NELL1: variants seen among roughly 807,000 people sequenced by gnomAD.
NELL1 encodes protein kinase C-binding protein NELL1.
A neutral mutation model predicts 107.4 loss-of-function variants in NELL1; 76 were observed. That is an observed-to-expected ratio of 0.71 (90% CI 0.59 to 0.86). NELL1 has a LOEUF of 0.86. Among genes scored for constraint, NELL1 ranks in the 40% least tolerant of loss-of-function variants. The pLI, the probability that NELL1 is intolerant of heterozygous loss-of-function variation, is 0.00. For missense variants in NELL1, 1,024 were observed against 1,005.5 expected (o/e 1.02, Z -0.25); for synonymous variants, 353 against 341.2 (o/e 1.03, Z -0.38).
intron 15 of NELL1, among the ~76,000 whole-genome samples, chr11:21,522,563 G>C (rs952604723): frequency 1.3e-5 from 2 of 152,044 alleles, no homozygotes; most frequent in African/African-American, 4.8e-5. Flanking sequence ...GACTCTGAAG[G>C]TGTGCGGGGT....
chr11:21,362,784 A>C (rs1851108938), intron 14 of NELL1, among the ~76,000 whole-genome samples: 1 of 151,874 alleles, frequency 6.6e-6, no homozygotes, highest in African/African-American at 2.4e-5. Context: ...CAGGGTGGGT[A>C]GATAAATATT....
chr11:20,902,119 A>C (rs1238203833), intron 5 of NELL1, among the ~76,000 whole-genome samples: 1 of 152,110 alleles, frequency 6.6e-6, no homozygotes, highest in Non-Finnish European at 1.5e-5. Flanking sequence ...AGAAGTTCTT[A>C]GACAAGATAA....
intron 12 of NELL1, among the ~76,000 whole-genome samples, chr11:21,011,536 T>C (rs148100585): frequency 6.6e-6 from 1 of 152,248 alleles, no homozygotes; most frequent in Non-Finnish European, 1.5e-5. Context: ...CCTTGCCAGA[T>C]GCAGACTGCC....
chr11:20,737,894 C>T (rs566311416), intron 2 of NELL1, among the ~76,000 whole-genome samples: 2 of 150,750 alleles, frequency 1.3e-5, no homozygotes, highest in African/African-American at 2.4e-5. Flanking sequence ...AGAGTTGGAA[C>T]GATCAGGAAT....
chr11:21,284,855 C>A (rs968819823), intron 14 of NELL1: 16 of 303,252 alleles, frequency 5.3e-5, no homozygotes, highest in South Asian at 5.1e-4. Flanking sequence ...CATCCTTGGA[C>A]AACAAAAGTG....
chr11:21,057,122 C>T (rs557391566), intron 12 of NELL1, among the ~76,000 whole-genome samples: 1 of 151,966 alleles, frequency 6.6e-6, no homozygotes, highest in African/African-American at 2.4e-5. Context: ...AGAACTTTGT[C>T]AAATCAATAA....
At chr11:21,221,443 T>G (rs1039839936) in intron 13 of NELL1, among the ~76,000 whole-genome samples, 8 of 152,216 alleles carry the variant, frequency 5.3e-5, no homozygotes, top group Admixed American at 3.3e-4. Context: ...TGTAATAATT[T>G]AGAAGAATTG....
At chr11:20,939,123 A>G (rs1024487298) in intron 10 of NELL1, among the ~76,000 whole-genome samples, 1 of 152,082 alleles carries the variant, frequency 6.6e-6, no homozygotes, top group African/African-American at 2.4e-5. Context: ...GTACAGGAAA[A>G]GAGATTCAAG....
chr11:20,882,963 G>A (rs942280807), intron 4 of NELL1, among the ~76,000 whole-genome samples: 4 of 152,130 alleles, frequency 2.6e-5, no homozygotes, highest in Non-Finnish European at 4.4e-5. Flanking sequence ...TTTATCTGAT[G>A]TTTCTTCATG....
chr11:20,919,247 T>C lies in NELL1; in HGVS notation c.677-5T>C, dbSNP rs768866223. The C allele has an allele frequency of 1.3e-6, 2 of 1,564,568 alleles. No homozygotes were observed. The highest frequency in any genetic ancestry group is 1.2e-5 in the South Asian group (1 of 85,520). On this transcript the variant is annotated splice_polypyrimidine_tract_variant and splice_region_variant and intron_variant, in intron 6 of 19. Coordinates refer to ENST00000357134, the MANE Select transcript of NELL1 (RefSeq NM_006157.5). ...ATATATATGTTTTATATTTTCTTTA[T>C]TGAGCTTGCCCAACCTGCAGTGATT... is the stretch of plus-strand genomic sequence containing the variant.
chr11:20,672,961 C>T (rs11025689), intron 1 of NELL1, among the ~76,000 whole-genome samples: 17,112 of 96,470 alleles, frequency 0.18, 2,008 homozygotes, highest in South Asian at 0.26. Flanking sequence ...AAGTGATTCT[C>T]CTGCCTCAGC....
At chr11:21,083,360 A>T (rs1278523953) in intron 12 of NELL1, among the ~76,000 whole-genome samples, 1 of 152,182 alleles carries the variant, frequency 6.6e-6, no homozygotes, top group Non-Finnish European at 1.5e-5. Flanking sequence ...CCCAAACTTT[A>T]CTGCTAAATT....
At chr11:20,882,573 G>A (rs1469103309) in intron 4 of NELL1, among the ~76,000 whole-genome samples, 1 of 152,074 alleles carries the variant, frequency 6.6e-6, no homozygotes, top group Non-Finnish European at 1.5e-5. Flanking sequence ...TTGTTATTTT[G>A]AACCCTTTGA....
chr11:21,319,893 T>A (rs1367625860), intron 14 of NELL1, among the ~76,000 whole-genome samples: 1 of 152,062 alleles, frequency 6.6e-6, no homozygotes, highest in Non-Finnish European at 1.5e-5. Context: ...CTTTAGACTC[T>A]AAACTCCATG....
At chr11:20,863,075 C>T (rs1457124212) in intron 4 of NELL1, among the ~76,000 whole-genome samples, 3 of 152,182 alleles carry the variant, frequency 2.0e-5, no homozygotes, top group African/African-American at 7.2e-5. Flanking sequence ...TCACAAAAAC[C>T]GCCATCGTCA....
chr11:21,001,240 G>C (rs532470700), intron 12 of NELL1, among the ~76,000 whole-genome samples: 13 of 152,292 alleles, frequency 8.5e-5, no homozygotes, highest in African/African-American at 2.4e-4. Context: ...GGTTGGAAAG[G>C]TATGAGGGGA....
At chr11:20,748,907 G>T (rs3993122) in intron 2 of NELL1, among the ~76,000 whole-genome samples, 4,648 of 44,036 alleles carry the variant, frequency 0.11, 91 homozygotes, top group Middle Eastern at 0.18. Context: ...CATCCACCCA[G>T]CCACCCATCC....
chr11:21,384,715 C>T (rs1424217758), intron 15 of NELL1, among the ~76,000 whole-genome samples: 10 of 151,810 alleles, frequency 6.6e-5, no homozygotes, highest in Admixed American at 2.0e-4. Context: ...TTTGTTCTTG[C>T]GATAGTTTAC....
intron 3 of NELL1, among the ~76,000 whole-genome samples, chr11:20,840,231 C>T (rs1188436975): frequency 1.3e-5 from 2 of 152,088 alleles, no homozygotes; most frequent in African/African-American, 4.8e-5. Context: ...GGTTATCTGG[C>T]CAATGACCCA....
Sources: gnomAD v4.1 joint callset for allele counts (sites outside exome capture counted in the v4.1 genomes callset) on GRCh38, gnomAD v4.1.1 for gene constraint, MANE v1.5 for transcripts, NCBI Gene and HGNC (gene_info 2026-07-23, HGNC 2026-07-21) for gene names.